ZRANB3: variants seen among roughly 807,000 people sequenced by gnomAD.
ZRANB3 encodes DNA annealing helicase and endonuclease ZRANB3.
A neutral mutation model predicts 133.8 loss-of-function variants in ZRANB3; 125 were observed. That is an observed-to-expected ratio of 0.93 (90% confidence interval 0.81 to 1.08). ZRANB3 has a LOEUF of 1.08. Among genes scored for constraint, ZRANB3 ranks in the 50% least tolerant of loss-of-function variants. ZRANB3 has a pLI of 0.00. For missense variants in ZRANB3, 1,229 were observed against 1,275.5 expected (o/e 0.96, Z 0.56); for synonymous variants, 387 against 432.7 (o/e 0.89, Z 1.31).
chr2:135,405,998 C>CA (rs1252328217), intron 2 of ZRANB3, among the ~76,000 whole-genome samples: 1 of 151,778 alleles, frequency 6.6e-6, no homozygotes, highest in Non-Finnish European at 1.5e-5. Context: ...CATAGACACA[C>CA]AAAAAACCCT....
At chr2:135,481,758 T>G (rs1265368164) in intron 2 of ZRANB3, among the ~76,000 whole-genome samples, 4 of 151,236 alleles carry the variant, frequency 2.6e-5, no homozygotes, top group Non-Finnish European at 5.9e-5. Flanking sequence ...GGTATAACGT[T>G]TAAGTCTTTA....
chr2:135,320,135 G>C (rs1454750245), intron 6 of ZRANB3, among the ~76,000 whole-genome samples: 1 of 152,118 alleles, frequency 6.6e-6, no homozygotes, highest in African/African-American at 2.4e-5. Context: ...CGATCTCCTG[G>C]GCTCAAGTGA....
intron 8 of ZRANB3, among the ~76,000 whole-genome samples, chr2:135,287,670 CTTTTT>C (rs59739293): frequency 8.2e-5 from 8 of 98,054 alleles, no homozygotes; most frequent in African/African-American, 2.6e-4. Flanking sequence ...TATTTCTTTC[CTTTTT>C]TTTTTTTTTT....
At chr2:135,481,568 C>T (rs1374978485) in intron 2 of ZRANB3, among the ~76,000 whole-genome samples, 1 of 151,898 alleles carries the variant, frequency 6.6e-6, no homozygotes, top group East Asian at 1.9e-4. Context: ...TGTAGGTTGC[C>T]TGTTCACTCT....
At chr2:135,487,968 G>A (rs868603196) in intron 2 of ZRANB3, among the ~76,000 whole-genome samples, 3 of 152,092 alleles carry the variant, frequency 2.0e-5, no homozygotes, top group Admixed American at 6.6e-5. Context: ...TATCCACTTC[G>A]ACCTGCCTTC....
At chr2:135,497,558 T>C (rs899548524) in intron 2 of ZRANB3, among the ~76,000 whole-genome samples, 1 of 152,228 alleles carries the variant, frequency 6.6e-6, no homozygotes, top group African/African-American at 2.4e-5. Flanking sequence ...CTGCAGTGAA[T>C]AGCTACTGAA....
At chr2:135,242,022 A>G (rs1324880333) in intron 12 of ZRANB3, among the ~76,000 whole-genome samples, 2 of 152,108 alleles carry the variant, frequency 1.3e-5, no homozygotes, top group African/African-American at 4.8e-5. Context: ...TCTACAAAAA[A>G]TACAAAAAGT....
chr2:135,226,045 A>G (rs1170154635), intron 14 of ZRANB3, among the ~76,000 whole-genome samples: 1 of 152,240 alleles, frequency 6.6e-6, no homozygotes, highest in African/African-American at 2.4e-5. Flanking sequence ...CTGGGCTATC[A>G]TTAAGGTATT....
chr2:135,331,045 T>C (rs1684115434), intron 6 of ZRANB3, among the ~76,000 whole-genome samples: 1 of 152,202 alleles, frequency 6.6e-6, no homozygotes, highest in South Asian at 2.1e-4. Flanking sequence ...GTTTTTTGTG[T>C]CTCTATCTCC....
intron 3 of ZRANB3, among the ~76,000 whole-genome samples, chr2:135,382,728 T>C (rs935557334): frequency 2.6e-5 from 4 of 152,156 alleles, no homozygotes; most frequent in Non-Finnish European, 5.9e-5. Context: ...GAATTTCATA[T>C]GCAGCGAAAC....
rs533775403 is a variant in ZRANB3 at position 135,448,646 on chromosome 2, C to G, written c.161+55683G>C. Among the ~76,000 whole-genome samples the G allele has an allele frequency of 5.9e-5, 9 of 152,252 alleles. No individual in the cohort carries two copies. The East Asian group carries it at 1.7e-3, about 29-fold the overall frequency. The stretch of plus-strand genomic sequence containing the variant: ...GAATTAATGTATTAGTCTCAAAAGG[C>G]AGACTTCATGCACTCTGATTAAAGA... On this transcript the variant is annotated intron_variant, in intron 2 of 20. Transcript: ENST00000264159.
At chr2:135,406,168 C>T (rs901378182) in intron 2 of ZRANB3, among the ~76,000 whole-genome samples, 3 of 152,162 alleles carry the variant, frequency 2.0e-5, no homozygotes, top group Non-Finnish European at 4.4e-5. Context: ...GAAACACAAA[C>T]TACCATAGGA....
chr2:135,327,700 A>G (rs1325074335), intron 6 of ZRANB3, among the ~76,000 whole-genome samples: 1 of 152,198 alleles, frequency 6.6e-6, no homozygotes, highest in Non-Finnish European at 1.5e-5. Flanking sequence ...ACCGTTCCAA[A>G]TACAGCTTAA....
intron 2 of ZRANB3, among the ~76,000 whole-genome samples, chr2:135,437,405 G>C (rs1208536784): frequency 6.6e-6 from 1 of 152,188 alleles, no homozygotes; most frequent in African/African-American, 2.4e-5. Flanking sequence ...ATAACGTTCA[G>C]AAACAAAGTA....
chr2:135,437,986 T>C (rs996856188), intron 2 of ZRANB3, among the ~76,000 whole-genome samples: 6 of 152,150 alleles, frequency 3.9e-5, no homozygotes, highest in African/African-American at 1.4e-4. Flanking sequence ...GTATCTGATG[T>C]CTGCTTGAGC....
At chr2:135,517,428 A>C (rs1441244794) in intron 1 of ZRANB3, among the ~76,000 whole-genome samples, 1 of 151,764 alleles carries the variant, frequency 6.6e-6, no homozygotes, top group African/African-American at 2.4e-5. Context: ...TTGGTCTTTG[A>C]TGTTGGTGAC....
chr2:135,366,909 T>C (rs1313264539), intron 3 of ZRANB3, among the ~76,000 whole-genome samples: 2 of 151,870 alleles, frequency 1.3e-5, no homozygotes. Flanking sequence ...TAGTCCCAGC[T>C]ATTCAGGAGG....
intron 2 of ZRANB3, among the ~76,000 whole-genome samples, chr2:135,438,641 C>G (rs1458843105): frequency 6.6e-6 from 1 of 152,172 alleles, no homozygotes; most frequent in Non-Finnish European, 1.5e-5. Context: ...AAGTCCCAAT[C>G]CTACTCCTGA....
At chr2:135,240,516 T>C (rs901217190) in intron 12 of ZRANB3, among the ~76,000 whole-genome samples, 5 of 152,346 alleles carry the variant, frequency 3.3e-5, no homozygotes, top group African/African-American at 1.2e-4. Flanking sequence ...TCCTTGCCTG[T>C]CTAGAAATGA....
Sources: allele counts gnomAD v4.1 joint callset (sites outside exome capture counted in the v4.1 genomes callset), GRCh38; gene constraint gnomAD v4.1.1; transcripts MANE v1.5; gene names NCBI Gene and HGNC (gene_info 2026-07-23, HGNC 2026-07-21).